The following GALNT16 variants were observed in gnomAD, a reference collection of about 807,000 sequenced individuals.
The protein encoded by GALNT16 is UDP-GalNAc:polypeptide N-acetylgalactosaminyltransferase-like protein 1.
Under a neutral mutation model 76.1 loss-of-function variants are expected in GALNT16, and 40 were observed. The ratio of observed to expected loss-of-function variants is 0.53; its 90% confidence interval spans 0.41 to 0.68. The LOEUF (loss-of-function observed/expected upper bound fraction) is 0.68. Among genes scored for constraint, GALNT16 ranks in the 30% least tolerant of loss-of-function variants. The probability of loss-of-function intolerance (pLI) is 0.00; values close to 1 mark genes in which losing one functional copy is unlikely to be tolerated. For synonymous variants in GALNT16, 276 were observed against 285.2 expected (o/e 0.97, Z 0.32); for missense variants, 621 against 731.9 (o/e 0.85, Z 1.75).
chr14:69,383,361 A>G, the GALNT16 span, among the ~76,000 whole-genome samples: 1 of 152,228 alleles, frequency 6.6e-6, no homozygotes, highest in African/African-American at 2.4e-5. Context: ...GGTCACTGCC[A>G]TGTAAATTTA....
chr14:69,341,861 C>T (rs1302771694), intron 12 of GALNT16, 97 bp downstream of exon 12: 11 of 735,942 alleles, frequency 1.5e-5, no homozygotes, highest in Non-Finnish European at 2.7e-5. Context: ...CTCCTCAACA[C>T]TGGTGATCTG....
At position 69,328,537 on chromosome 14, in the gene GALNT16, A is replaced by C; in HGVS notation, c.656A>C (p.Glu219Ala). The C allele has an allele frequency of 1.9e-6, 3 of 1,613,768 alleles. No homozygotes were observed. The highest frequency in any genetic ancestry group is 2.5e-6 in the Non-Finnish European group (3 of 1,179,960). The change falls in exon 6 of 15, where the codon GAG becomes GCG. Residue 219 changes from glutamate to alanine, a missense_variant. Physicochemically the swap from Glu to Ala is moderately radical, Grantham distance 107. Coordinates refer to ENST00000448469, the MANE Select transcript of GALNT16 (RefSeq NM_001168368.2). ...GATAGCCACTGCGAAGTGAACACCG[A>C]GTGGCTGCCGCCCATGCTGCAGCGG... ...FLDSHCEVNT[E>A]WLPPMLQRVK...
the GALNT16 span, among the ~76,000 whole-genome samples, chr14:69,377,196 T>C: frequency 6.6e-6 from 1 of 152,192 alleles, no homozygotes; most frequent in Non-Finnish European, 1.5e-5. Flanking sequence ...TCTAAAAAGG[T>C]CCCTTTGACA....
chr14:69,323,318 C>A lies in GALNT16; in HGVS notation c.336-1374C>A, dbSNP rs549626774. Among the ~76,000 whole-genome samples, 7 of 152,324 alleles carry A rather than the reference C, an allele frequency of 4.6e-5. No homozygotes were observed. In the East Asian group the frequency reaches 1.4e-3, roughly 29 times the overall value. ...CCTGGCTCCTGGGAGCCAGATAAAC[C>A]CCCATGCTAAGTAACATCAATCCCA... is the stretch of plus-strand genomic sequence containing the variant. On this transcript the variant is annotated intron_variant, in intron 2 of 14. Transcript: ENST00000448469.
Position 69,325,946 on chromosome 14 carries a change from C to A in GALNT16, c.503-16C>A. 6.2e-7 allele frequency: 1 copy of A among 1,611,380 alleles called. No homozygotes were observed. ...CCCATGTCTAAATGAGCTTGCCTTCCTCTTTGCATCCTCAGCGGAAGACTG... is the reference window on the plus strand; with the variant it reads ...CCCATGTCTAAATGAGCTTGCCTTCATCTTTGCATCCTCAGCGGAAGACTG... On this transcript the variant is annotated splice_polypyrimidine_tract_variant and intron_variant, in intron 4 of 14. Transcript: ENST00000448469.
the GALNT16 span, among the ~76,000 whole-genome samples, chr14:69,377,821 A>AAAAAAAAAAAAAAAAAAAAAAC: frequency 6.7e-6 from 1 of 150,264 alleles, no homozygotes; most frequent in African/African-American, 2.4e-5. Flanking sequence ...AAAAAAAAAA[A>AAAAAAAAAAAAAAAAAAAAAAC]AAAAAAAAAA....
chr14:69,307,121 A>G (rs2140146360), intron 1 of GALNT16, among the ~76,000 whole-genome samples: 1 of 152,148 alleles, frequency 6.6e-6, no homozygotes, highest in East Asian at 1.9e-4. Flanking sequence ...TCTGTTCTAG[A>G]ATCCTTTGTA....
chr14:69,338,485 C>G (rs549031177), intron 9 of GALNT16, among the ~76,000 whole-genome samples, 166 bp from the exon 10 acceptor site: 1 of 152,284 alleles, frequency 6.6e-6, no homozygotes, highest in Non-Finnish European at 1.5e-5. Context: ...AGTGGGCAGT[C>G]AGGAACCTGT....
At chr14:69,289,618 A>T (rs1421096125) in intron 1 of GALNT16, among the ~76,000 whole-genome samples, 1 of 151,326 alleles carries the variant, frequency 6.6e-6, no homozygotes, top group Non-Finnish European at 1.5e-5. Flanking sequence ...GGTGGGGCAG[A>T]CTCCTGGATG....
chr14:69,300,732 C>T (rs1383057638), intron 1 of GALNT16, among the ~76,000 whole-genome samples: 8 of 152,112 alleles, frequency 5.3e-5, no homozygotes. Flanking sequence ...GTTCTTGGTA[C>T]AGCTTCTTGA....
At chr14:69,273,997 C>T (rs541304027) in intron 1 of GALNT16, among the ~76,000 whole-genome samples, 4 of 152,226 alleles carry the variant, frequency 2.6e-5, no homozygotes, top group African/African-American at 4.8e-5. Context: ...TGCAGCATAG[C>T]GTAGTGGTTA....
At chr14:69,359,793 C>T (rs189915074), downstream of GALNT16, among the ~76,000 whole-genome samples, 6 of 151,090 alleles carry the variant, frequency 4.0e-5, no homozygotes, top group East Asian at 5.9e-4. Flanking sequence ...TTTGGGAGGC[C>T]GCGGTGGGCA....
At chr14:69,326,251 T>G (rs2045283377) in intron 5 of GALNT16, among the ~76,000 whole-genome samples, 1 of 152,214 alleles carries the variant, frequency 6.6e-6, no homozygotes, top group Non-Finnish European at 1.5e-5. Context: ...TAGCTGTCTC[T>G]CCTGAGAAAT....
intron 1 of GALNT16, among the ~76,000 whole-genome samples, chr14:69,311,389 A>G (rs534751463): frequency 2.6e-4 from 39 of 152,198 alleles, no homozygotes; most frequent in Non-Finnish European, 5.3e-4. Context: ...AAAAGACCTT[A>G]CTTCTTAATA....
chr14:69,345,048 CAG>C (rs1594868272), intron 12 of GALNT16, among the ~76,000 whole-genome samples: 1 of 152,244 alleles, frequency 6.6e-6, no homozygotes, highest in Non-Finnish European at 1.5e-5. Context: ...AAGCCCCACT[CAG>C]AGGGGGCAGC....
Position 69,326,337 on chromosome 14 carries a change from G to C in GALNT16, c.568+310G>C, listed in dbSNP as rs548732554. ...GAGACAGGCTGTGTGGAAAGGCTTT[G>C]AGAAAAATCCAGAAGCATAAAGCAG... On this transcript the variant is annotated intron_variant, in intron 5 of 14. Coordinates refer to ENST00000448469, the MANE Select transcript of GALNT16 (RefSeq NM_001168368.2). 1.8e-4 allele frequency among the ~76,000 whole-genome samples: 28 copies of C among 152,362 alleles called. No individual in the cohort carries two copies. In the South Asian group the frequency reaches 5.8e-3, roughly 32 times the overall value.
At chr14:69,300,896 G>A (rs555009811) in intron 1 of GALNT16, among the ~76,000 whole-genome samples, 14 of 152,314 alleles carry the variant, frequency 9.2e-5, no homozygotes, top group Middle Eastern at 3.4e-3. Flanking sequence ...CTTCCTGTCC[G>A]TGGAGCCCTC....
intron 1 of GALNT16, among the ~76,000 whole-genome samples, chr14:69,292,545 T>A (rs929298983): frequency 4.6e-5 from 7 of 152,188 alleles, no homozygotes; most frequent in Non-Finnish European, 8.8e-5. Flanking sequence ...TCTCCTTCCA[T>A]ACCCTTGGCC....
chr14:69,328,355 C>T (rs2045310912), intron 5 of GALNT16, 95 bp from the exon 6 acceptor site: 2 of 1,274,134 alleles, frequency 1.6e-6, no homozygotes, highest in African/African-American at 1.5e-5. Context: ...GAAGCCTCAG[C>T]CCCTGAAGGA....
Sources: allele counts gnomAD v4.1 joint callset (sites outside exome capture counted in the v4.1 genomes callset), GRCh38; gene constraint gnomAD v4.1.1; transcripts MANE v1.5; gene names NCBI Gene and HGNC (gene_info 2026-07-23, HGNC 2026-07-21).